Variants in METTL4 observed in about 807,000 individuals in gnomAD.
METTL4 encodes the protein methyltransferase 4, N6-adenosine.
In METTL4, 40 loss-of-function variants were observed where a neutral mutation model predicts 54.0. That is an observed-to-expected ratio of 0.74 (90% confidence interval 0.58 to 0.96). The LOEUF is 0.96. Ranked by LOEUF, METTL4 falls within the 50% of genes least tolerant of loss-of-function variation. The pLI is 0.00. For missense variants in METTL4, 525 were observed against 549.0 expected, an observed-to-expected ratio of 0.96 and a Z score of 0.44; for synonymous variants, 169 against 183.8, an observed-to-expected ratio of 0.92 and a Z score of 0.65.
chr18:2,545,456 G>A (rs2072056645), intron 6 of METTL4, among the ~76,000 whole-genome samples: 1 of 152,048 alleles, frequency 6.6e-6, no homozygotes, highest in Non-Finnish European at 1.5e-5. Flanking sequence ...TAGAAAGTGG[G>A]TGGTTGATAG....
intron 3 of METTL4, among the ~76,000 whole-genome samples, chr18:2,559,525 A>G (rs2072285304): frequency 6.6e-6 from 1 of 152,220 alleles, no homozygotes; most frequent in Admixed American, 6.5e-5. Flanking sequence ...GAATGTACTT[A>G]GTGCCACTAA....
chr18:2,542,313 G>T (rs1467902231), intron 8 of METTL4, among the ~76,000 whole-genome samples: 2 of 150,376 alleles, frequency 1.3e-5, no homozygotes, highest in Non-Finnish European at 3.0e-5. Flanking sequence ...CCACTAACTC[G>T]TCGTCTAGCA....
At position 2,547,604 on chromosome 18, in the gene METTL4, T is replaced by C. The variant is rs965110082; in HGVS notation, c.900-75A>G. The C allele has an allele frequency of 4.5e-6, 5 of 1,106,186 alleles. No individual in the cohort carries two copies. The African/African-American group carries it at 7.9e-5, about 18-fold the overall frequency. The allele number at this position is 1,106,186 out of a possible 1,614,324, so 68.5% of individuals were successfully genotyped here. ...AAACTAAGCAGGGATAAGACATGCATAACACAGACTCCACAAATGCAAAGC... is the reference window on the plus strand; with the variant it reads ...AAACTAAGCAGGGATAAGACATGCACAACACAGACTCCACAAATGCAAAGC... On this transcript the variant is annotated intron_variant, in intron 5 of 8. Coordinates refer to ENST00000574538, the MANE Select transcript of METTL4 (RefSeq NM_022840.5).
At chr18:2,555,337 G>T in intron 3 of METTL4, 1 of 330,000 alleles carries the variant, frequency 3.0e-6, no homozygotes. Flanking sequence ...AGAAGAAAAT[G>T]GGATTTCTAA....
At chr18:2,558,449 C>T (rs1009221620) in intron 3 of METTL4, among the ~76,000 whole-genome samples, 6 of 151,590 alleles carry the variant, frequency 4.0e-5, no homozygotes, top group African/African-American at 1.5e-4. Context: ...TATCAAAATA[C>T]GTGGAAGGCA....
chr18:2,561,052 A>T (rs1325257950), intron 3 of METTL4: 2 of 152,110 alleles, frequency 1.3e-5, no homozygotes, highest in Admixed American at 1.3e-4. Context: ...GAAAAAAAAA[A>T]TCTGTTCAAT....
At chr18:2,570,116 C>T (rs1357877662) in intron 1 of METTL4, among the ~76,000 whole-genome samples, 1 of 152,186 alleles carries the variant, frequency 6.6e-6, no homozygotes, top group Non-Finnish European at 1.5e-5. Flanking sequence ...ATTGTGCTTG[C>T]TCTTAAAAAT....
intron 1 of METTL4, among the ~76,000 whole-genome samples, chr18:2,570,126 T>C (rs536281611): frequency 2.6e-5 from 4 of 152,288 alleles, no homozygotes; most frequent in Admixed American, 1.3e-4. Context: ...CTCTTAAAAA[T>C]TGAAGTTTTA....
intron 8 of METTL4, among the ~76,000 whole-genome samples, chr18:2,541,572 C>T (rs1408183721): frequency 6.6e-6 from 1 of 152,042 alleles, no homozygotes; most frequent in Non-Finnish European, 1.5e-5. Flanking sequence ...ATTTTCCTAC[C>T]TTAAATCTTC....
rs958019211 is a variant in METTL4 at position 2,567,477 on chromosome 18, T to C, written c.-261A>G. The C allele has an allele frequency of 4.6e-5, 12 of 263,310 alleles. No homozygotes were observed. The highest frequency in any genetic ancestry group is 2.1e-4 in the Admixed American group (4 of 18,854). The allele number at this position is 263,310 out of a possible 1,614,324, so 16.3% of individuals were successfully genotyped here. ...TAATTTCAGAGTTGATAATTCAACA[T>C]TTTCAGCCAAAATTTGGCCAAAGGG... On this transcript the variant is annotated 5_prime_UTR_variant, in exon 2 of 9. It removes an upstream start codon present in the reference 5' UTR. Coordinates refer to ENST00000574538, the MANE Select transcript of METTL4 (RefSeq NM_022840.5).
At chr18:2,565,779 G>C (rs1598357150) in intron 2 of METTL4, among the ~76,000 whole-genome samples, 1 of 152,024 alleles carries the variant, frequency 6.6e-6, no homozygotes, top group South Asian at 2.1e-4. Context: ...CACTAAAAAA[G>C]AAAATGTTGA....
chr18:2,563,720 C>A, intron 3 of METTL4, 77 bp downstream of exon 3: 2 of 1,011,802 alleles, frequency 2.0e-6, no homozygotes, highest in Non-Finnish European at 2.9e-6. Context: ...AAAAAAAATC[C>A]TTATTTATGT....
At position 2,566,293 on chromosome 18, in the gene METTL4, G is replaced by A. The variant is rs369235123; in HGVS notation, c.396+528C>T. On this transcript the variant is annotated intron_variant, in intron 2 of 8. Coordinates refer to ENST00000574538, the MANE Select transcript of METTL4 (RefSeq NM_022840.5). ...ATACAAATACATATACTTTACAAAC[G>A]GGTATATTTACCACAGGAGCTTTCT... Among the ~76,000 whole-genome samples the A allele has an allele frequency of 1.8e-4, 28 of 151,892 alleles. No individual in the cohort carries two copies. The East Asian group carries it at 3.1e-3, about 17-fold the overall frequency.
At chr18:2,552,893 G>A (rs11080958) in intron 4 of METTL4, 129 bp from the exon 5 acceptor site, 38,933 of 602,332 alleles carry the variant, frequency 0.065, 2,392 homozygotes, top group African/African-American at 0.23. Flanking sequence ...AAAGGGATCT[G>A]TATATAGCAT....
chr18:2,541,800 T>C (rs1203344832), intron 8 of METTL4, among the ~76,000 whole-genome samples: 5 of 152,094 alleles, frequency 3.3e-5, no homozygotes, highest in African/African-American at 1.2e-4. Flanking sequence ...TTTCATTTTA[T>C]TAATTTGCAT....
intron 3 of METTL4, among the ~76,000 whole-genome samples, chr18:2,556,038 G>A (rs1422735800): frequency 1.3e-5 from 2 of 152,194 alleles, no homozygotes; most frequent in Non-Finnish European, 2.9e-5. Flanking sequence ...CAAGGAAGGT[G>A]CCAGAGAGGA....
chr18:2,539,188 A>C, intron 8 of METTL4, 43 bp from the exon 9 acceptor site: 1 of 1,495,848 alleles, frequency 6.7e-7, no homozygotes, highest in African/African-American at 1.4e-5. Flanking sequence ...TTATTGAGGA[A>C]GGAATCCACT....
intron 5 of METTL4, among the ~76,000 whole-genome samples, chr18:2,550,043 T>C (rs2072131211): frequency 6.6e-6 from 1 of 151,778 alleles, no homozygotes; most frequent in Non-Finnish European, 1.5e-5. Flanking sequence ...AGCAAAAGAA[T>C]TCAGATCTCA....
chr18:2,567,918 A>G (rs2072445376), intron 1 of METTL4, among the ~76,000 whole-genome samples: 1 of 152,254 alleles, frequency 6.6e-6, no homozygotes, highest in Admixed American at 6.5e-5. Context: ...CATCAGAAGC[A>G]CTAAACCCTA....
Sources: gnomAD v4.1 joint callset for allele counts (sites outside exome capture counted in the v4.1 genomes callset) on GRCh38, gnomAD v4.1.1 for gene constraint, MANE v1.5 for transcripts, NCBI Gene and HGNC (gene_info 2026-07-23, HGNC 2026-07-21) for gene names.